Variants in UBAP1 observed in about 807,000 individuals in gnomAD.
The protein encoded by UBAP1 is ubiquitin associated protein 1, also known as ubiquitin-associated protein 1.
In UBAP1, 5 loss-of-function variants were observed where a neutral mutation model predicts 39.0. The observed-to-expected ratio is 0.13, with a 90% CI of 0.07 to 0.27. The LOEUF is 0.27. UBAP1 is among the 10% of genes least tolerant of loss of function. The pLI, the probability that UBAP1 is intolerant of heterozygous loss-of-function variation, is 1.00. For missense variants in UBAP1, 490 were observed against 608.1 expected (o/e 0.81, Z 2.04); for synonymous variants, 211 against 225.1 (o/e 0.94, Z 0.56).
rs1457936811 is a variant in UBAP1 at position 34,202,641 on chromosome 9, G to C, written c.-7-18267G>C. ...GACAGAAACGTGTGTGTGTGTGTGT[G>C]TGTGTGTGTGTGTGTGTGTGTGTGT... On this transcript the variant is annotated intron_variant, in intron 1 of 6. Transcript: ENST00000297661. 3.2e-3 allele frequency among the ~76,000 whole-genome samples: 420 copies of C among 132,932 alleles called. 30 individuals carry two copies. The South Asian group carries it at 0.075, about 24-fold the overall frequency. 87.2% of individuals were successfully genotyped at this position (132,932 alleles called of 152,430 possible).
intron 6 of UBAP1, 108 bp from the exon 7 acceptor site, chr9:34,251,284 G>A (rs1834510055): frequency 1.1e-5 from 13 of 1,220,242 alleles, no homozygotes; most frequent in African/African-American, 1.5e-5. Context: ...GGGGAAGGAT[G>A]TAGACATTCT....
chr9:34,249,020 A>C (rs936074338), intron 4 of UBAP1, among the ~76,000 whole-genome samples: 2 of 152,060 alleles, frequency 1.3e-5, no homozygotes, highest in Non-Finnish European at 2.9e-5. Context: ...CTGTACGCCT[A>C]TCCGACTGGG....
At chr9:34,235,282 C>T (rs35240419) in intron 3 of UBAP1, among the ~76,000 whole-genome samples, 49,359 of 150,636 alleles carry the variant, frequency 0.33, 9,817 homozygotes, top group Non-Finnish European at 0.45. Context: ...TTGTTTTTTA[C>T]ATTTGTGTAT....
rs142939865 is a variant in UBAP1, at chr9:34,241,841, C to T, written c.816C>T (p.Asp272=). The stretch of plus-strand genomic sequence containing the variant: ...AATCCCTGTCTTTCCCCAAACTTGA[C>T]TCTGATGACAGCAATCAGAAGACAG... ...NIKSLSFPKL[D]SDDSNQKTAK... The change falls in exon 4 of 7, where the codon GAC becomes GAT. Residue 272 remains aspartate (D), a synonymous_variant. Transcript: ENST00000297661. 211 of 1,614,166 alleles carry T rather than the reference C, an allele frequency of 1.3e-4. 1 individual carries two copies. The highest frequency in any genetic ancestry group is 6.6e-4 in the Middle Eastern group (4 of 6,062).
In UBAP1 at chr9:34,181,116, C is replaced by CTT. The variant is rs67856544; in HGVS notation, c.-8+1892_-8+1893dup. Among the ~76,000 whole-genome samples, 7 of 72,274 alleles carry CTT rather than the reference C, an allele frequency of 9.7e-5. 1 individual carries two copies. The highest frequency in any genetic ancestry group is 5.7e-4 in the South Asian group (1 of 1,750). The allele number at this position is 72,274 out of a possible 152,430, so 47.4% of individuals were successfully genotyped here. A position where few individuals can be genotyped will look rare whatever the true frequency, so the allele number is the denominator to read the frequency against. ...TGAGCCACCGCACCCGGCCTGTTTT[C>CTT]TTTTTTTTTTTTTTTTTGAGACAGA... On this transcript the variant is annotated intron_variant, in intron 1 of 6. Transcript: ENST00000297661.
chr9:34,182,675 C>CTCT (rs1554645034), intron 1 of UBAP1, among the ~76,000 whole-genome samples: 7 of 71,694 alleles, frequency 9.8e-5, no homozygotes, highest in Admixed American at 1.8e-4. Flanking sequence ...TTCTTTCTTT[C>CTCT]TTTCTTTCTC....
intron 1 of UBAP1, among the ~76,000 whole-genome samples, chr9:34,213,063 T>C (rs1563901300): frequency 6.6e-6 from 1 of 152,202 alleles, no homozygotes. Context: ...AGTCAATAAA[T>C]GTGATACACC....
chr9:34,215,787 A>G (rs1457311686), intron 1 of UBAP1, among the ~76,000 whole-genome samples: 1 of 152,034 alleles, frequency 6.6e-6, no homozygotes, highest in African/African-American at 2.4e-5. Flanking sequence ...ATGTACATAT[A>G]TATAAAAGAT....
chr9:34,241,284 G>A lies in UBAP1; in HGVS notation c.259G>A (p.Glu87Lys). Residue 87 changes from glutamate (E) to lysine (K), a missense_variant, in exon 4 of 7, where the codon GAA (glutamate) becomes AAA (lysine). Physicochemically the swap from Glu to Lys is moderately conservative, Grantham distance 56 (BLOSUM62 1). Coordinates refer to ENST00000297661, the MANE Select transcript of UBAP1 (RefSeq NM_016525.5). ...REAECKIAEA[E>K]AKVNSKSGPE... The stretch of plus-strand genomic sequence containing the variant: ...AGCAGAGTGCAAAATTGCGGAAGCA[G>A]AAGCTAAAGTGAATTCTAAGAGTGG... The A allele has an allele frequency of 6.6e-7, 1 of 1,507,046 alleles. No homozygotes were observed. Among genetic ancestry groups the A allele is most frequent in the South Asian group, 1.4e-5 (1 of 71,124 alleles). 93.4% of individuals were successfully genotyped at this position (1,507,046 alleles called of 1,614,324 possible).
upstream of UBAP1, chr9:34,179,035 AAGG>A (rs1829868777): frequency 3.2e-6 from 4 of 1,260,896 alleles, no homozygotes; most frequent in Non-Finnish European, 4.0e-6. Flanking sequence ...CGGTGAGGGG[AAGG>A]AGGAGGGAAG....
intron 1 of UBAP1, among the ~76,000 whole-genome samples, chr9:34,190,070 T>C (rs1447417927): frequency 6.6e-6 from 1 of 152,212 alleles, no homozygotes; most frequent in African/African-American, 2.4e-5. Flanking sequence ...GAAAAATAAC[T>C]AATGGATACC....
chr9:34,244,003 C>A (rs999470724), intron 4 of UBAP1, among the ~76,000 whole-genome samples: 1 of 151,776 alleles, frequency 6.6e-6, no homozygotes, highest in Non-Finnish European at 1.5e-5. Context: ...GCGCCTGCCA[C>A]CATGCGCAGC....
chr9:34,185,567 C>T lies in UBAP1; in HGVS notation c.-8+6327C>T, dbSNP rs573231526. On this transcript the variant is annotated intron_variant, in intron 1 of 6. Transcript: ENST00000297661. Reference sequence around the variant, plus strand: ...CTACCTCAAAAGAAATAATCTCGGGCGGGTGCTGTGGGTCATGCCTGTAAT... The same window carrying T: ...CTACCTCAAAAGAAATAATCTCGGGTGGGTGCTGTGGGTCATGCCTGTAAT... Among the ~76,000 whole-genome samples the T allele has an allele frequency of 5.3e-5, 8 of 150,798 alleles. No homozygotes were observed. In the South Asian group the frequency reaches 6.3e-4, roughly 12 times the overall value.
chr9:34,217,670 A>G (rs973996009), intron 1 of UBAP1, among the ~76,000 whole-genome samples: 24 of 146,202 alleles, frequency 1.6e-4, no homozygotes, highest in Middle Eastern at 4.1e-3. Flanking sequence ...AAACTTTTTT[A>G]TATTCTGTAT....
chr9:34,228,042 TCA>T (rs1211206081), intron 2 of UBAP1, among the ~76,000 whole-genome samples: 2 of 151,960 alleles, frequency 1.3e-5, no homozygotes, highest in East Asian at 3.9e-4. Flanking sequence ...GGTGGGAGGA[TCA>T]CTTGAGCCCA....
rs1484771854 is a variant in UBAP1 at position 34,252,461 on chromosome 9, ATAAT to A, written c.*931_*934del. Reference sequence around the variant, plus strand: ...AAGGATATACAGTCTTGAATCTAAAATAATTTGCTAACTAACTATTTTGATTCTT... The same window carrying A: ...AAGGATATACAGTCTTGAATCTAAAATTGCTAACTAACTATTTTGATTCTT... On this transcript the variant is annotated 3_prime_UTR_variant, in exon 7 of 7. Transcript: ENST00000297661. The A allele has an allele frequency of 7.6e-5, 6 of 78,792 alleles. No homozygotes were observed. The highest frequency in any genetic ancestry group is 1.8e-4 in the Non-Finnish European group (6 of 33,654). The allele number at this position is 78,792 out of a possible 1,614,324, so 4.9% of individuals were successfully genotyped here.
chr9:34,203,666 A>C (rs1190479867), intron 1 of UBAP1, among the ~76,000 whole-genome samples: 1 of 152,276 alleles, frequency 6.6e-6, no homozygotes, highest in Non-Finnish European at 1.5e-5. Context: ...AATATTTAAT[A>C]GAACTTTAAA....
chr9:34,200,824 C>A lies in UBAP1; in HGVS notation c.-7-20084C>A, dbSNP rs977319674. Among the ~76,000 whole-genome samples, 5 of 152,270 alleles carry A rather than the reference C, an allele frequency of 3.3e-5. No individual in the cohort carries two copies. In the South Asian group the frequency reaches 1.0e-3, roughly 32 times the overall value. On this transcript the variant is annotated intron_variant, in intron 1 of 6. Transcript: ENST00000297661. ...ATCATTTCCTTCCTTTTATAAACCACATGATATATATTCCTAAATAATATA... is the reference window on the plus strand; with the variant it reads ...ATCATTTCCTTCCTTTTATAAACCAAATGATATATATTCCTAAATAATATA...
chr9:34,221,334 C>G (rs572906566), intron 2 of UBAP1, among the ~76,000 whole-genome samples: 2 of 152,014 alleles, frequency 1.3e-5, no homozygotes, highest in South Asian at 4.1e-4. Context: ...TCGAGACCAT[C>G]CTGTCTAACA....
Sources: allele counts gnomAD v4.1 joint callset (sites outside exome capture counted in the v4.1 genomes callset), GRCh38; gene constraint gnomAD v4.1.1; transcripts MANE v1.5; gene names NCBI Gene and HGNC (gene_info 2026-07-23, HGNC 2026-07-21).